The following SUMF1 variants were observed in gnomAD, a reference collection of about 807,000 sequenced individuals.
The protein encoded by SUMF1 is formylglycine-generating enzyme.
A neutral mutation model predicts 47.6 loss-of-function variants in SUMF1; 48 were observed. The observed-to-expected ratio is 1.01, with a 90% CI of 0.80 to 1.28. The LOEUF is 1.28. Ranked by LOEUF, SUMF1 falls within the 50% of genes most tolerant of loss-of-function variation. The pLI is 0.00. For synonymous variants in SUMF1, 230 were observed against 192.1 expected (o/e 1.20, Z -1.63); for missense variants, 571 against 485.4 (o/e 1.18, Z -1.66).
At chr3:4,314,646 A>G (rs921327125) in intron 8 of SUMF1, among the ~76,000 whole-genome samples, 1 of 152,176 alleles carries the variant, frequency 6.6e-6, no homozygotes, top group African/African-American at 2.4e-5. Flanking sequence ...GCCTCACTTC[A>G]TGTATAAATA....
chr3:4,384,632 G>A (rs1700611106), intron 7 of SUMF1, among the ~76,000 whole-genome samples: 1 of 152,124 alleles, frequency 6.6e-6, no homozygotes, highest in South Asian at 2.1e-4. Flanking sequence ...ATTCTCCGGA[G>A]ATTCATCCAG....
At chr3:4,246,150 CCA>C (rs1696664507) in intron 8 of SUMF1, among the ~76,000 whole-genome samples, 2 of 152,176 alleles carry the variant, frequency 1.3e-5, no homozygotes, top group South Asian at 4.1e-4. Context: ...CACCGTTCCC[CCA>C]GTTACAGTCA....
At chr3:4,083,865 A>C (rs976069862) in intron 8 of SUMF1, among the ~76,000 whole-genome samples, 1 of 151,506 alleles carries the variant, frequency 6.6e-6, no homozygotes, top group Non-Finnish European at 1.5e-5. Context: ...GAGCTTAGAA[A>C]TGGACTTTGT....
chr3:4,151,377 GTGTATATATA>G (rs975517370), intron 8 of SUMF1, among the ~76,000 whole-genome samples: 5 of 143,498 alleles, frequency 3.5e-5, no homozygotes, highest in African/African-American at 5.3e-5. Context: ...ATATACATGT[GTGTATATATA>G]TGTATATATA....
intron 7 of SUMF1, among the ~76,000 whole-genome samples, chr3:4,385,845 C>A (rs181403264): frequency 1.3e-5 from 2 of 152,160 alleles, no homozygotes; most frequent in African/African-American, 4.8e-5. Context: ...TTTCTGCCCA[C>A]GGATGTCCAA....
chr3:4,450,049 C>T (rs1350959756), intron 2 of SUMF1, among the ~76,000 whole-genome samples: 1 of 152,144 alleles, frequency 6.6e-6, no homozygotes, highest in Non-Finnish European at 1.5e-5. Flanking sequence ...CCTTGGCTCT[C>T]TGCAATTCTA....
chr3:4,097,979 C>T (rs1387487760), intron 8 of SUMF1, among the ~76,000 whole-genome samples: 2 of 152,152 alleles, frequency 1.3e-5, no homozygotes, highest in Non-Finnish European at 2.9e-5. Context: ...TGACTACTCT[C>T]AGAAACAATG....
At chr3:4,207,931 G>A (rs1196613675) in intron 8 of SUMF1, among the ~76,000 whole-genome samples, 5 of 152,202 alleles carry the variant, frequency 3.3e-5, no homozygotes, top group African/African-American at 9.6e-5. Context: ...AAAAACTCCA[G>A]GGAGAATGAG....
At chr3:4,466,028 T>C (rs1457980683) in intron 1 of SUMF1, among the ~76,000 whole-genome samples, 1 of 152,174 alleles carries the variant, frequency 6.6e-6, no homozygotes, top group Non-Finnish European at 1.5e-5. Flanking sequence ...TCAGAAGACC[T>C]GACCTTTAGA....
intron 8 of SUMF1, among the ~76,000 whole-genome samples, chr3:4,224,071 G>A (rs1185005270): frequency 6.6e-6 from 1 of 152,094 alleles, no homozygotes; most frequent in Non-Finnish European, 1.5e-5. Flanking sequence ...GGGGTGGAGT[G>A]TGATGAAGAT....
intron 8 of SUMF1, among the ~76,000 whole-genome samples, chr3:4,365,817 GTCTT>G (rs1427733862): frequency 6.6e-6 from 1 of 151,802 alleles, no homozygotes; most frequent in East Asian, 1.9e-4. Flanking sequence ...AGTCTCGATG[GTCTT>G]TACAATTTGG....
chr3:4,054,976 T>C (rs1695166740), intron 9 of SUMF1, among the ~76,000 whole-genome samples: 1 of 152,174 alleles, frequency 6.6e-6, no homozygotes, highest in Non-Finnish European at 1.5e-5. Context: ...GGGTCTTTCC[T>C]GACTCAGGGG....
chr3:4,248,901 G>C (rs1436825786), intron 8 of SUMF1, among the ~76,000 whole-genome samples: 2 of 152,228 alleles, frequency 1.3e-5, no homozygotes, highest in African/African-American at 4.8e-5. Flanking sequence ...GACTTGCTGA[G>C]AGGATCAGCT....
intron 8 of SUMF1, among the ~76,000 whole-genome samples, chr3:4,200,339 G>A (rs1343358277): frequency 6.6e-6 from 1 of 151,918 alleles, no homozygotes; most frequent in Non-Finnish European, 1.5e-5. Context: ...AATTCAGTGG[G>A]CAAAATCTGC....
At chr3:4,057,909 C>T (rs1461243259) in intron 9 of SUMF1, among the ~76,000 whole-genome samples, 1 of 152,086 alleles carries the variant, frequency 6.6e-6, no homozygotes, top group Admixed American at 6.6e-5. Flanking sequence ...GCTTTTTTCT[C>T]TGTCTCTAAT....
At chr3:4,128,815 A>T (rs895466580) in intron 8 of SUMF1, among the ~76,000 whole-genome samples, 11 of 152,170 alleles carry the variant, frequency 7.2e-5, no homozygotes, top group African/African-American at 2.4e-4. Context: ...ATAGAGTTGG[A>T]TCAGGCTGAA....
intron 8 of SUMF1, among the ~76,000 whole-genome samples, chr3:4,344,399 G>A (rs1457504788): frequency 6.6e-6 from 1 of 152,086 alleles, no homozygotes; most frequent in Admixed American, 6.5e-5. Flanking sequence ...GACGAATAAG[G>A]CCTGAAATGA....
intron 8 of SUMF1, among the ~76,000 whole-genome samples, chr3:4,341,514 C>T (rs1202130049): frequency 6.6e-6 from 1 of 151,322 alleles, no homozygotes; most frequent in East Asian, 1.9e-4. Context: ...TTTTTTGTTT[C>T]CAGAATACAA....
At chr3:4,088,944 T>A (rs1559460956) in intron 8 of SUMF1, among the ~76,000 whole-genome samples, 1 of 152,048 alleles carries the variant, frequency 6.6e-6, no homozygotes, top group Non-Finnish European at 1.5e-5. Context: ...AATGTAGCAA[T>A]CTAGGTGGGA....
Sources: gnomAD v4.1 joint callset for allele counts (sites outside exome capture counted in the v4.1 genomes callset) on GRCh38, gnomAD v4.1.1 for gene constraint, MANE v1.5 for transcripts, NCBI Gene and HGNC (gene_info 2026-07-23, HGNC 2026-07-21) for gene names.